The following CFHR3 variants were observed in gnomAD, a reference collection of about 807,000 sequenced individuals.
CFHR3 encodes complement factor H-related protein 3.
In CFHR3, 22 loss-of-function variants were observed where a neutral mutation model predicts 36.0. That is an observed-to-expected ratio of 0.61 (90% CI 0.44 to 0.87). CFHR3 has a LOEUF of 0.87. Among genes scored for constraint, CFHR3 ranks in the 40% least tolerant of loss-of-function variants. The pLI, the probability that CFHR3 is intolerant of heterozygous loss-of-function variation, is 0.00. For synonymous variants in CFHR3, 97 were observed against 137.4 expected (o/e 0.71, Z 2.06); for missense variants, 276 against 401.3 (o/e 0.69, Z 2.67).
intron 4 of CFHR3, chr1:196,789,630 A>G: frequency 1.4e-6 from 2 of 1,405,486 alleles, no homozygotes; most frequent in Non-Finnish European, 1.9e-6. Context: ...TCACAAATTT[A>G]AAAGCGGTTT....
intron 3 of CFHR3, 59 bp downstream of exon 3, chr1:196,780,032 C>G: frequency 6.6e-7 from 1 of 1,515,890 alleles, no homozygotes. Flanking sequence ...ACACGGACGA[C>G]AGTCTCAGAC....
Position 196,793,360 on chromosome 1 carries a change from A to G in CFHR3, c.840A>G (p.Ile280Met). ...AAGAAAACATGAATAAAAATAACATAAAGTTAAAAGGAAGAAGTGACAGAA... is the reference window on the plus strand; with the variant it reads ...AAGAAAACATGAATAAAAATAACATGAAGTTAAAAGGAAGAAGTGACAGAA... ...ITEENMNKNN[I>M]KLKGRSDRKY... The change falls in exon 6 of 6, where the codon ATA becomes ATG. Residue 280 changes from isoleucine (I) to methionine (M), a missense_variant. Ile to Met is a conservative substitution (Grantham distance 10). Around this residue, in one of 3 missense-constraint regions of CFHR3, gnomAD observed 76 missense variants for 79.8 expected, o/e 0.95. Transcript: ENST00000367425. 2 of 1,521,594 alleles carry G rather than the reference A, an allele frequency of 1.3e-6. 1 individual carries two copies. Among genetic ancestry groups the G allele is most frequent in the Non-Finnish European group, 1.8e-6 (2 of 1,124,824 alleles). The allele number at this position is 1,521,594 out of a possible 1,614,324, so 94.3% of individuals were successfully genotyped here. A position where few individuals can be genotyped will look rare whatever the true frequency, so the allele number is the denominator to read the frequency against.
rs12140421 is a variant in CFHR3 at position 196,793,654 on chromosome 1, A to G, written c.*141A>G. The G allele has an allele frequency of 0.011, 8,684 of 797,066 alleles. 721 individuals are homozygous for G. The highest frequency in any genetic ancestry group is 0.014 in the Non-Finnish European group (7,211 of 530,478). 49.4% of individuals were successfully genotyped at this position (797,066 alleles called of 1,614,324 possible). On this transcript the variant is annotated 3_prime_UTR_variant, in exon 6 of 6. Coordinates refer to ENST00000367425, the MANE Select transcript of CFHR3 (RefSeq NM_021023.6). Reference sequence around the variant, plus strand: ...AAAGAAAATTAATATAATAGTTTCAATTTGCAACTTAATATATTCTCAAAA... The same window carrying G: ...AAAGAAAATTAATATAATAGTTTCAGTTTGCAACTTAATATATTCTCAAAA...
intron 3 of CFHR3, among the ~76,000 whole-genome samples, chr1:196,786,260 CCA>C (rs1654195900): frequency 2.9e-5 from 4 of 135,894 alleles, no homozygotes; most frequent in South Asian, 2.6e-4. Context: ...GGGTCAGCGA[CCA>C]ACTTGAGGAG....
rs1297226790 is a variant in CFHR3, at chr1:196,786,839, C to G, written c.431-1377C>G. 2.2e-5 allele frequency among the ~76,000 whole-genome samples: 3 copies of G among 137,426 alleles called. 1 individual carries two copies. Among genetic ancestry groups the G allele is most frequent in the African/African-American group, 9.1e-5 (3 of 33,020 alleles). 90.2% of individuals were successfully genotyped at this position (137,426 alleles called of 152,430 possible). ...TCCTGCACCCACTGTCTGGCACTCC[C>G]TAGTGAGATGAACCCAGAACCTCAG... On this transcript the variant is annotated intron_variant, in intron 3 of 5. Transcript: ENST00000367425.
At position 196,782,177 on chromosome 1, in the gene CFHR3, G is replaced by C. The variant is rs1181028350; in HGVS notation, c.430+2204G>C. On this transcript the variant is annotated intron_variant, in intron 3 of 5. Transcript: ENST00000367425. ...ATTGATCTATATCTCTGTTTTGGTA[G>C]CAGTACCATGCTGTTTTGGTTACTG... Among the ~76,000 whole-genome samples, 9 of 136,598 alleles carry C rather than the reference G, an allele frequency of 6.6e-5. No individual in the cohort carries two copies. The East Asian group carries it at 7.8e-4, about 12-fold the overall frequency. 89.6% of individuals were successfully genotyped at this position (136,598 alleles called of 152,430 possible). A position where few individuals can be genotyped will look rare whatever the true frequency, so the allele number is the denominator to read the frequency against.
At chr1:196,777,982 T>TAA (rs202127437) in intron 1 of CFHR3, among the ~76,000 whole-genome samples, 2,062 of 89,746 alleles carry the variant, frequency 0.023, 123 homozygotes, top group South Asian at 0.043. Context: ...ACAAGACTGT[T>TAA]AAAAAAAAAA....
intron 3 of CFHR3, among the ~76,000 whole-genome samples, chr1:196,787,495 A>G (rs1430840972): frequency 7.3e-6 from 1 of 137,458 alleles, no homozygotes; most frequent in East Asian, 1.9e-4. Context: ...TGAATTACTA[A>G]TTAGAAAAGA....
Position 196,784,631 on chromosome 1 carries a change from C to T in CFHR3, c.431-3585C>T, listed in dbSNP as rs1303993795. 5.9e-5 allele frequency among the ~76,000 whole-genome samples: 8 copies of T among 135,856 alleles called. No individual in the cohort carries two copies. In the East Asian group the frequency reaches 1.4e-3, roughly 23 times the overall value. The allele number at this position is 135,856 out of a possible 152,430, so 89.1% of individuals were successfully genotyped here. A position where few individuals can be genotyped will look rare whatever the true frequency, so the allele number is the denominator to read the frequency against. ...TCAGAGACTAGGATTGCAACCCCTGCCTTTTTTTGTTTTCCATTTGCTTGG... is the reference window on the plus strand; with the variant it reads ...TCAGAGACTAGGATTGCAACCCCTGTCTTTTTTTGTTTTCCATTTGCTTGG... On this transcript the variant is annotated intron_variant, in intron 3 of 5. Transcript: ENST00000367425.
chr1:196,789,067 G>T, intron 4 of CFHR3: 3 of 1,137,894 alleles, frequency 2.6e-6, no homozygotes, highest in African/African-American at 4.1e-5. Context: ...ATGAACAAAG[G>T]AAATCTTTCA....
At position 196,794,476 on chromosome 1, in the gene CFHR3, T is replaced by A. The variant is rs1278458147; in HGVS notation, c.*963T>A. ...AGACTCTGTCTTAAAAATAAATAAA[T>A]AGGATGCTGAAAATTCCTATTTAAG... On this transcript the variant is annotated 3_prime_UTR_variant, in exon 6 of 6. Transcript: ENST00000367425. 10 of 376,958 alleles carry A rather than the reference T, an allele frequency of 2.7e-5. No individual in the cohort carries two copies. The highest frequency in any genetic ancestry group is 5.1e-5 in the Non-Finnish European group (10 of 194,756). The allele number at this position is 376,958 out of a possible 1,614,324, so 23.4% of individuals were successfully genotyped here. A position where few individuals can be genotyped will look rare whatever the true frequency, so the allele number is the denominator to read the frequency against.
Position 196,779,856 on chromosome 1 carries a change from G to C in CFHR3, c.313G>C (p.Val105Leu). The C allele has an allele frequency of 6.5e-7, 1 of 1,532,716 alleles. No homozygotes were observed. Among genetic ancestry groups the C allele is most frequent in the Non-Finnish European group, 8.8e-7 (1 of 1,133,112 alleles). 94.9% of individuals were successfully genotyped at this position (1,532,716 alleles called of 1,614,324 possible). ...TAATCAAAATTATGGAAGAAAGTTT[G>C]TACAGGGTAACTCTACAGAAGTTGC... The part of the protein sequence containing the change: ...GYNQNYGRKF[V>L]QGNSTEVACH... Residue 105 changes from valine to leucine, a missense_variant, in exon 3 of 6, where the codon GTA (valine) becomes CTA (leucine). Val to Leu is a conservative substitution (Grantham distance 32). This residue lies in a region of CFHR3 where 178 missense variants were observed against 247.2 expected (regional missense o/e 0.72). Transcript: ENST00000367425.
chr1:196,794,331 C>A lies in CFHR3; in HGVS notation c.*818C>A, dbSNP rs1283071568. On this transcript the variant is annotated 3_prime_UTR_variant, in exon 6 of 6. Coordinates refer to ENST00000367425, the MANE Select transcript of CFHR3 (RefSeq NM_021023.6). The stretch of plus-strand genomic sequence containing the variant: ...TAGAAAAACTAGCTCGGCATGATGG[C>A]GTGCACCTGTAGTCCCAGCTACTCA... 2.9e-5 allele frequency among the ~76,000 whole-genome samples: 4 copies of A among 136,012 alleles called. 2 individuals are homozygous for A. The South Asian group carries it at 1.0e-3, about 35-fold the overall frequency. 89.2% of individuals were successfully genotyped at this position (136,012 alleles called of 152,430 possible).
Position 196,793,794 on chromosome 1 carries a change from G to T in CFHR3, c.*281G>T. ...AAGTATAGAGACAGACAGCTGAATG[G>T]CTTTCTGCATATTGTATAGTATACC... On this transcript the variant is annotated 3_prime_UTR_variant, in exon 6 of 6. Transcript: ENST00000367425. 1 of 281,428 alleles carries T rather than the reference G, an allele frequency of 3.6e-6. No homozygotes were observed. Among genetic ancestry groups the T allele is most frequent in the East Asian group, 7.0e-5 (1 of 14,278 alleles). 17.4% of individuals were successfully genotyped at this position (281,428 alleles called of 1,614,324 possible).
chr1:196,776,490 G>A lies in CFHR3; in HGVS notation c.58+1546G>A, dbSNP rs1219618157. Among the ~76,000 whole-genome samples the A allele has an allele frequency of 9.5e-5, 13 of 137,378 alleles. 2 individuals are homozygous for A. The highest frequency in any genetic ancestry group is 3.9e-3 in the Middle Eastern group (1 of 256). 90.1% of individuals were successfully genotyped at this position (137,378 alleles called of 152,430 possible). The stretch of plus-strand genomic sequence containing the variant: ...ACTGCATTTGGAGAAGGAGTGCTTA[G>A]CGATGTAATTAAGTTAAAGGTCAAT... On this transcript the variant is annotated intron_variant, in intron 1 of 5. Coordinates refer to ENST00000367425, the MANE Select transcript of CFHR3 (RefSeq NM_021023.6).
intron 5 of CFHR3, among the ~76,000 whole-genome samples, chr1:196,790,849 G>A (rs1164070534): frequency 1.5e-5 from 2 of 135,800 alleles, no homozygotes; most frequent in Admixed American, 1.4e-4. Flanking sequence ...TCTTCAATTT[G>A]TTAATGGATA....
chr1:196,793,319 C>T lies in CFHR3; in HGVS notation c.799C>T (p.Pro267Ser). ...EWSEPPRCIH[P>S]CIITEENMNK... ...TAATTGTTTTTTTCTGCTTTCAGAT[C>T]CATGTATAATAACTGAAGAAAACAT... Residue 267 changes from proline to serine, a missense_variant and splice_region_variant, in exon 6 of 6, where the codon CCA becomes TCA. By Grantham distance (74) the Pro-to-Ser change is moderately conservative (BLOSUM62 -1). Around this residue, in one of 3 missense-constraint regions of CFHR3, gnomAD observed 76 missense variants for 79.8 expected, o/e 0.95. Transcript: ENST00000367425. 2 of 1,504,898 alleles carry T rather than the reference C, an allele frequency of 1.3e-6. 1 individual carries two copies. The highest frequency in any genetic ancestry group is 1.8e-6 in the Non-Finnish European group (2 of 1,114,142). 93.2% of individuals were successfully genotyped at this position (1,504,898 alleles called of 1,614,324 possible).
In CFHR3 at chr1:196,779,912, G is replaced by T; in HGVS notation, c.369G>T (p.Ala123=). 6.5e-7 allele frequency: 1 copy of T among 1,533,252 alleles called. No homozygotes were observed. Among genetic ancestry groups the T allele is most frequent in the Non-Finnish European group, 8.8e-7 (1 of 1,133,402 alleles). 95.0% of individuals were successfully genotyped at this position (1,533,252 alleles called of 1,614,324 possible). A position where few individuals can be genotyped will look rare whatever the true frequency, so the allele number is the denominator to read the frequency against. Residue 123 remains alanine (A), a synonymous_variant, in exon 3 of 6, where the codon GCG becomes GCT. Coordinates refer to ENST00000367425, the MANE Select transcript of CFHR3 (RefSeq NM_021023.6). ...ATCCTGGCTACGGTCTTCCAAAAGC[G>T]CAGACCACAGTTACATGTACGGAGA... is the stretch of plus-strand genomic sequence containing the variant. ...ACHPGYGLPK[A]QTTVTCTEKG... is the part of the protein sequence containing the mutation.
rs909208322 is a variant in CFHR3 at position 196,778,703 on chromosome 1, AT to A, written c.59-451del. 5.9e-5 allele frequency among the ~76,000 whole-genome samples: 8 copies of A among 136,062 alleles called. 2 individuals carry two copies. Among genetic ancestry groups the A allele is most frequent in the Admixed American group, 5.0e-4 (7 of 14,000 alleles). 89.3% of individuals were successfully genotyped at this position (136,062 alleles called of 152,430 possible). On this transcript the variant is annotated intron_variant, in intron 1 of 5. Transcript: ENST00000367425. Reference sequence around the variant, plus strand: ...TCTGGAGATAATTGGTACATTTCTGATTTTTTTTAATGTTTAGAGTCATATT... The same window carrying A: ...TCTGGAGATAATTGGTACATTTCTGATTTTTTTAATGTTTAGAGTCATATT...
Sources: allele counts gnomAD v4.1 joint callset (sites outside exome capture counted in the v4.1 genomes callset), GRCh38; gene constraint gnomAD v4.1.1; regional missense constraint gnomAD v4.1.1; transcripts MANE v1.5; gene names NCBI Gene and HGNC (gene_info 2026-07-23, HGNC 2026-07-21).